Variants in IMMP2L observed in about 807,000 individuals in gnomAD.
IMMP2L encodes mitochondrial inner membrane protease subunit 2.
In IMMP2L, 18 loss-of-function variants were observed where a neutral mutation model predicts 19.3. The ratio of observed to expected loss-of-function variants is 0.93; its 90% CI spans 0.64 to 1.38. IMMP2L has a LOEUF of 1.38. Ranked by LOEUF, IMMP2L falls within the 40% of genes most tolerant of loss-of-function variation. IMMP2L has a pLI of 0.00. For missense variants in IMMP2L, 233 were observed against 218.2 expected (o/e 1.07, Z -0.43); for synonymous variants, 76 against 73.0 (o/e 1.04, Z -0.21).
At chr7:110,998,462 T>C (rs1361506626) in intron 3 of IMMP2L, among the ~76,000 whole-genome samples, 2 of 152,230 alleles carry the variant, frequency 1.3e-5, no homozygotes, top group Non-Finnish European at 2.9e-5. Context: ...GCTATGAAAT[T>C]GAATGCCTCT....
intron 4 of IMMP2L, among the ~76,000 whole-genome samples, chr7:110,935,338 G>A (rs1039096777): frequency 6.6e-6 from 1 of 152,144 alleles, no homozygotes; most frequent in African/African-American, 2.4e-5. Context: ...ACTCTCTTCT[G>A]GCTTGTAGGG....
intron 5 of IMMP2L, chr7:110,665,073 TAAC>T (rs1336781082): frequency 6.6e-6 from 1 of 152,204 alleles, no homozygotes; most frequent in African/African-American, 2.4e-5. Flanking sequence ...AAAAATCTTT[TAAC>T]AACAACTTGA....
At chr7:110,970,383 T>C (rs544521284) in intron 3 of IMMP2L, among the ~76,000 whole-genome samples, 5 of 152,216 alleles carry the variant, frequency 3.3e-5, no homozygotes, top group African/African-American at 9.6e-5. Flanking sequence ...TAAATGAATA[T>C]ATACAGCACA....
At chr7:111,221,299 T>C (rs1475696072) in intron 3 of IMMP2L, among the ~76,000 whole-genome samples, 1 of 152,076 alleles carries the variant, frequency 6.6e-6, no homozygotes, top group Non-Finnish European at 1.5e-5. Context: ...ATAGTCAATA[T>C]CACAAGACTA....
chr7:111,482,081 A>G (rs1585285341), intron 3 of IMMP2L, among the ~76,000 whole-genome samples: 1 of 152,280 alleles, frequency 6.6e-6, no homozygotes, highest in East Asian at 1.9e-4. Flanking sequence ...TTTTAGTAAT[A>G]TATTTATTTG....
chr7:110,924,391 GC>G lies in IMMP2L; in HGVS notation c.306-37697del, dbSNP rs1292667712. 6.6e-6 allele frequency among the ~76,000 whole-genome samples: 1 copy of G among 152,014 alleles called. No homozygotes were observed. Among genetic ancestry groups the G allele is most frequent in the Non-Finnish European group, 1.5e-5 (1 of 68,000 alleles). On this transcript the variant is annotated intron_variant, in intron 4 of 5. Transcript: ENST00000405709. The surrounding 1 kb of genome is among the most constrained non-coding windows in gnomAD (Gnocchi z 4.2). ...GAGGTTCCATTTCAGCGCTACCTTT[GC>G]CAACGGAGTCCTGCAATGACATACC... is the stretch of plus-strand genomic sequence containing the variant.
intron 3 of IMMP2L, among the ~76,000 whole-genome samples, chr7:111,054,382 T>G (rs1793296715): frequency 6.6e-6 from 1 of 152,222 alleles, no homozygotes; most frequent in Admixed American, 6.5e-5. Context: ...GGACATCAAC[T>G]GGCACATATG....
chr7:110,737,168 A>G (rs532298406), intron 5 of IMMP2L, among the ~76,000 whole-genome samples: 224 of 152,304 alleles, frequency 1.5e-3, no homozygotes, highest in African/African-American at 5.2e-3. Context: ...GAAAGCCAAG[A>G]TAATCCACAG....
chr7:111,313,191 G>A (rs1035767708), intron 3 of IMMP2L, among the ~76,000 whole-genome samples: 1 of 152,086 alleles, frequency 6.6e-6, no homozygotes, highest in South Asian at 2.1e-4. Flanking sequence ...AGCCACCAGA[G>A]GTCACCTTCA....
intron 5 of IMMP2L, among the ~76,000 whole-genome samples, chr7:110,816,636 G>C (rs1802544956): frequency 6.6e-6 from 1 of 151,294 alleles, no homozygotes; most frequent in Non-Finnish European, 1.5e-5. Context: ...CTTGCTTTAT[G>C]AATCTGGGTG....
chr7:111,350,350 C>CATATATAT (rs35448482), intron 3 of IMMP2L, among the ~76,000 whole-genome samples: 3 of 147,216 alleles, frequency 2.0e-5, no homozygotes, highest in African/African-American at 5.0e-5. Context: ...TGCATATATA[C>CATATATAT]ATATATATAT....
At chr7:110,673,888 C>G (rs1166746153) in intron 5 of IMMP2L, among the ~76,000 whole-genome samples, 4 of 152,204 alleles carry the variant, frequency 2.6e-5, no homozygotes, top group Non-Finnish European at 5.9e-5. Context: ...AAGTTCCAAA[C>G]TTTCTCACAC....
At chr7:111,384,273 G>A (rs1464351076) in intron 3 of IMMP2L, among the ~76,000 whole-genome samples, 1 of 150,214 alleles carries the variant, frequency 6.7e-6, no homozygotes, top group African/African-American at 2.5e-5. Flanking sequence ...AAGGAGAGAG[G>A]AGAAAGGAGA....
At chr7:111,184,961 G>A (rs1397506634) in intron 3 of IMMP2L, among the ~76,000 whole-genome samples, 2 of 152,096 alleles carry the variant, frequency 1.3e-5, no homozygotes, top group Admixed American at 1.3e-4. Flanking sequence ...TAATAAAGAT[G>A]CTCTCCTTCA....
Position 111,516,350 on chromosome 7 carries a change from G to T in IMMP2L, c.135+4963C>A, listed in dbSNP as rs74689853. ...ATATTCATACACGCATAAATACAGA[G>T]GGAGAGGAAGAGGAGGGGGAGGAGG... On this transcript the variant is annotated intron_variant, in intron 2 of 5. Coordinates refer to ENST00000405709, the MANE Select transcript of IMMP2L (RefSeq NM_032549.4). Among the ~76,000 whole-genome samples the T allele has an allele frequency of 9.7e-3, 1,468 of 151,808 alleles. 37 individuals are homozygous for T. The highest frequency in any genetic ancestry group is 0.034 in the African/African-American group (1,403 of 41,364).
intron 3 of IMMP2L, among the ~76,000 whole-genome samples, chr7:111,217,387 G>A (rs1012981463): frequency 6.6e-6 from 1 of 151,930 alleles, no homozygotes; most frequent in Non-Finnish European, 1.5e-5. Flanking sequence ...CGCTTAAGTG[G>A]GTACCTGACC....
chr7:111,232,918 G>C (rs147082223), intron 3 of IMMP2L, among the ~76,000 whole-genome samples: 1 of 152,180 alleles, frequency 6.6e-6, no homozygotes, highest in East Asian at 1.9e-4. Flanking sequence ...CTGGAAAGGA[G>C]TTACCTTCCT....
chr7:111,264,123 T>C (rs1817597468), intron 3 of IMMP2L, among the ~76,000 whole-genome samples: 1 of 152,112 alleles, frequency 6.6e-6, no homozygotes, highest in Non-Finnish European at 1.5e-5. Context: ...CATTTCTAAC[T>C]AATGAAGTGT....
chr7:111,150,443 A>G (rs1803947762), intron 3 of IMMP2L, among the ~76,000 whole-genome samples: 1 of 152,082 alleles, frequency 6.6e-6, no homozygotes, highest in African/African-American at 2.4e-5. Flanking sequence ...AAAGATCGTG[A>G]AAAAACCACT....
Sources: gnomAD v4.1 joint callset for allele counts (sites outside exome capture counted in the v4.1 genomes callset) on GRCh38, gnomAD v4.1.1 for gene constraint, Gnocchi (gnomAD v3.1) non-coding constraint, MANE v1.5 for transcripts, NCBI Gene and HGNC (gene_info 2026-07-23, HGNC 2026-07-21) for gene names.